PRLR: variants seen among roughly 807,000 people sequenced by gnomAD.
The protein encoded by PRLR is prolactin receptor, also known as hPRL receptor.
PRLR carries 13 observed loss-of-function variants against 40.2 expected under a neutral mutation model. The ratio of observed to expected loss-of-function variants is 0.32; its 90% confidence interval spans 0.21 to 0.51. The LOEUF (loss-of-function observed/expected upper bound fraction) is 0.51. Among genes scored for constraint, PRLR ranks in the 20% least tolerant of loss-of-function variants. The pLI is 0.97. For synonymous variants in PRLR, 269 were observed against 278.7 expected, an observed-to-expected ratio of 0.97 and a Z score of 0.35; for missense variants, 656 against 747.3, an observed-to-expected ratio of 0.88 and a Z score of 1.42.
chr5:35,212,073 G>A (rs367553285), intron 1 of PRLR, among the ~76,000 whole-genome samples: 23 of 152,234 alleles, frequency 1.5e-4, no homozygotes, highest in South Asian at 4.2e-4. Context: ...TGCTGACTCC[G>A]GTCTAGAACA....
At chr5:35,149,966 C>T (rs1477051059) in intron 1 of PRLR, among the ~76,000 whole-genome samples, 3 of 152,096 alleles carry the variant, frequency 2.0e-5, no homozygotes, top group Non-Finnish European at 4.4e-5. Flanking sequence ...TCAAGCGATT[C>T]TCCTGCCTCA....
chr5:35,088,778 C>A (rs879467456), intron 3 of PRLR, among the ~76,000 whole-genome samples: 9 of 152,088 alleles, frequency 5.9e-5, no homozygotes, highest in Non-Finnish European at 1.2e-4. Context: ...CACACACACA[C>A]AAAAATATAC....
chr5:35,208,276 C>G (rs563244792), intron 1 of PRLR, among the ~76,000 whole-genome samples: 1 of 152,090 alleles, frequency 6.6e-6, no homozygotes, highest in Non-Finnish European at 1.5e-5. Context: ...ACTGTTTCCT[C>G]TCTCTAAATT....
At chr5:35,116,369 G>A (rs6866370) in intron 2 of PRLR, among the ~76,000 whole-genome samples, 3 of 152,136 alleles carry the variant, frequency 2.0e-5, no homozygotes, top group African/African-American at 7.2e-5. Flanking sequence ...TGACCTGTTT[G>A]CTGTAAAAAG....
intron 1 of PRLR, among the ~76,000 whole-genome samples, chr5:35,170,308 G>T (rs1193129786): frequency 6.6e-6 from 1 of 152,154 alleles, no homozygotes; most frequent in Non-Finnish European, 1.5e-5. Context: ...TATGCCTTAA[G>T]CAAAGGGGGC....
At chr5:35,071,709 T>G (rs954380620) in intron 6 of PRLR, among the ~76,000 whole-genome samples, 1 of 149,888 alleles carries the variant, frequency 6.7e-6, no homozygotes, top group Non-Finnish European at 1.5e-5. Context: ...GCAATTCTCC[T>G]GCCTCAGCCT....
At chr5:35,081,467 C>CA in intron 5 of PRLR, 1 of 182,684 alleles carries the variant, frequency 5.5e-6, no homozygotes, top group Non-Finnish European at 1.2e-5. Context: ...AATATGACAT[C>CA]AAAAAGGTGG....
In PRLR at chr5:35,058,917, A is replaced by G. The variant is rs372714564; in HGVS notation, c.*6172T>C. ...ATTTCTAAACTATAAGCAGCTTTGA[A>G]GGAAGGACATTAGGACACAAAAGGG... On this transcript the variant is annotated 3_prime_UTR_variant, in exon 10 of 10. Coordinates refer to ENST00000618457, the MANE Select transcript of PRLR (RefSeq NM_000949.7). 2.0e-5 allele frequency: 3 copies of G among 152,350 alleles called. No individual in the cohort carries two copies. Among genetic ancestry groups the G allele is most frequent in the East Asian group, 3.9e-4 (2 of 5,194 alleles). 9.4% of individuals were successfully genotyped at this position (152,350 alleles called of 1,614,324 possible).
At chr5:35,156,134 A>C (rs1174570498) in intron 1 of PRLR, among the ~76,000 whole-genome samples, 2 of 149,778 alleles carry the variant, frequency 1.3e-5, no homozygotes, top group African/African-American at 5.0e-5. Flanking sequence ...AGATAAAAAA[A>C]AAAAACAAAA....
In PRLR at chr5:35,187,983, A is replaced by T. The variant is rs114506113; in HGVS notation, c.-106+42285T>A. 6.8e-3 allele frequency among the ~76,000 whole-genome samples: 1,028 copies of T among 152,206 alleles called. 16 individuals are homozygous for T. Among genetic ancestry groups the T allele is most frequent in the African/African-American group, 0.024 (985 of 41,512 alleles). On this transcript the variant is annotated intron_variant, in intron 1 of 9. Transcript: ENST00000618457. ...ACAAATTCTTCTGGTATCTCCCTCA[A>T]CTGTTAACTGCATATCCCCAATCAT...
intron 1 of PRLR, among the ~76,000 whole-genome samples, chr5:35,135,955 C>T (rs1329713622): frequency 6.6e-6 from 1 of 152,202 alleles, no homozygotes; most frequent in African/African-American, 2.4e-5. Context: ...AATCAGATTC[C>T]TTACCTTCGG....
intron 1 of PRLR, among the ~76,000 whole-genome samples, chr5:35,134,820 G>A (rs1199041557): frequency 1.3e-5 from 2 of 152,268 alleles, no homozygotes; most frequent in Non-Finnish European, 2.9e-5. Context: ...TAAAAACTAC[G>A]GCTGTTTGGC....
chr5:35,143,987 TA>T (rs1386065377), intron 1 of PRLR, among the ~76,000 whole-genome samples: 1 of 152,118 alleles, frequency 6.6e-6, no homozygotes, highest in Non-Finnish European at 1.5e-5. Context: ...TCACTGTTGT[TA>T]ATTGAAATCA....
At position 35,066,090 on chromosome 5, in the gene PRLR, C is replaced by T; in HGVS notation, c.868G>A (p.Glu290Lys). 6.2e-7 allele frequency: 1 copy of T among 1,612,914 alleles called. No individual in the cohort carries two copies. The highest frequency in any genetic ancestry group is 8.5e-7 in the Non-Finnish European group (1 of 1,179,370). The change falls in exon 10 of 10, where the codon GAA becomes AAA. Residue 290 changes from glutamate to lysine, a missense_variant. Physicochemically the swap from Glu to Lys is moderately conservative, Grantham distance 56. Coordinates refer to ENST00000618457, the MANE Select transcript of PRLR (RefSeq NM_000949.7). ...CATCCCAAGGCACTCAGTAGTTCTTCAGACTTGCCCTTCTATTAAAACACA... is the reference window on the plus strand; with the variant it reads ...CATCCCAAGGCACTCAGTAGTTCTTTAGACTTGCCCTTCTATTAAAACACA... ...DAHLLEKGKSEELLSALGCQD... is the reference protein window; with the variant it reads ...DAHLLEKGKSKELLSALGCQD...
chr5:35,086,581 G>A (rs1012112398), intron 3 of PRLR, among the ~76,000 whole-genome samples: 3 of 152,060 alleles, frequency 2.0e-5, no homozygotes, highest in Non-Finnish European at 2.9e-5. Context: ...GTGTGTGTGT[G>A]TGTGTGTCTG....
intron 1 of PRLR, among the ~76,000 whole-genome samples, chr5:35,132,289 T>G (rs756929394): frequency 2.0e-5 from 3 of 152,160 alleles, no homozygotes; most frequent in Non-Finnish European, 2.9e-5. Flanking sequence ...TACAGAACAC[T>G]CAATACCATC....
At position 35,061,990 on chromosome 5, in the gene PRLR, C is replaced by T. The variant is rs1273618460; in HGVS notation, c.*3099G>A. ...CAATATGTCTCTTCTCAATCTCCTG[C>T]CTCTTTTTTTAAATGCCTCTTTCTA... On this transcript the variant is annotated 3_prime_UTR_variant, in exon 10 of 10. Transcript: ENST00000618457. 2 of 151,970 alleles carry T rather than the reference C, an allele frequency of 1.3e-5. No individual in the cohort carries two copies. Among genetic ancestry groups the T allele is most frequent in the Non-Finnish European group, 2.9e-5 (2 of 67,984 alleles). 9.4% of individuals were successfully genotyped at this position (151,970 alleles called of 1,614,324 possible). A position where few individuals can be genotyped will look rare whatever the true frequency, so the allele number is the denominator to read the frequency against.
chr5:35,141,264 T>C lies in PRLR; in HGVS notation c.-105-23142A>G, dbSNP rs536865611. ...AAAAAAAAACAAACCCCTAATGTGC[T>C]TAAGTCCTTGGTTAATTAGGTTTGG... On this transcript the variant is annotated intron_variant, in intron 1 of 9. Transcript: ENST00000618457. Among the ~76,000 whole-genome samples the C allele has an allele frequency of 2.0e-3, 304 of 151,746 alleles. 1 individual carries two copies. Among genetic ancestry groups the C allele is most frequent in the African/African-American group, 7.1e-3 (293 of 41,292 alleles).
chr5:35,103,935 T>C (rs1772057051), intron 2 of PRLR, among the ~76,000 whole-genome samples: 1 of 152,226 alleles, frequency 6.6e-6, no homozygotes, highest in Non-Finnish European at 1.5e-5. Flanking sequence ...TAAAAGATCC[T>C]ATTATAATAT....
Sources: gnomAD v4.1 joint callset for allele counts (sites outside exome capture counted in the v4.1 genomes callset) on GRCh38, gnomAD v4.1.1 for gene constraint, MANE v1.5 for transcripts, NCBI Gene and HGNC (gene_info 2026-07-23, HGNC 2026-07-21) for gene names.